Variants in NAALADL2 observed in about 807,000 individuals in gnomAD.
NAALADL2 encodes N-acetylated alpha-linked acidic dipeptidase like 2, also known as inactive N-acetylated-alpha-linked acidic dipeptidase-like protein 2.
NAALADL2 carries 76 observed loss-of-function variants against 87.2 expected under a neutral mutation model. That is an observed-to-expected ratio of 0.87 (90% CI 0.72 to 1.05). The LOEUF (loss-of-function observed/expected upper bound fraction) is 1.05. Ranked by LOEUF, NAALADL2 falls within the 50% of genes least tolerant of loss-of-function variation. The pLI is 0.00. For missense variants in NAALADL2, 1,089 were observed against 945.8 expected (o/e 1.15, Z -1.99); for synonymous variants, 354 against 331.0 (o/e 1.07, Z -0.75).
intron 13 of NAALADL2, among the ~76,000 whole-genome samples, chr3:175,795,670 G>A (rs6808416): frequency 0.037 from 5,591 of 149,094 alleles, 251 homozygotes; most frequent in African/African-American, 0.11. Context: ...GCAACATAGC[G>A]AGACTCTGTC....
rs2149170707 is a variant in NAALADL2 at position 175,433,553 on chromosome 3, A to G, written c.1091-13676A>G. Among the ~76,000 whole-genome samples, 3 of 152,182 alleles carry G rather than the reference A, an allele frequency of 2.0e-5. No homozygotes were observed. In the East Asian group the frequency reaches 5.8e-4, roughly 29 times the overall value. Reference sequence around the variant, plus strand: ...CATTAGCGCTATACTAAGCACAGCCATGTCTCTAACTGTGCCACTATGGCC... The same window carrying G: ...CATTAGCGCTATACTAAGCACAGCCGTGTCTCTAACTGTGCCACTATGGCC... On this transcript the variant is annotated intron_variant, in intron 5 of 13. Transcript: ENST00000454872.
chr3:175,030,890 C>G (rs1051413347), intron 1 of NAALADL2, among the ~76,000 whole-genome samples: 3 of 151,754 alleles, frequency 2.0e-5, no homozygotes, highest in African/African-American at 7.3e-5. Context: ...ACAGCCATGC[C>G]TGGTTTTATT....
intron 13 of NAALADL2, among the ~76,000 whole-genome samples, chr3:175,799,174 G>A (rs1753840899): frequency 6.6e-6 from 1 of 151,936 alleles, no homozygotes; most frequent in African/African-American, 2.4e-5. Context: ...CTGGAAATAT[G>A]TTTGCCATTT....
chr3:174,448,025 A>G (rs929160381), intron 1 of NAALADL2, among the ~76,000 whole-genome samples: 3 of 152,024 alleles, frequency 2.0e-5, no homozygotes, highest in African/African-American at 7.3e-5. Context: ...GTGTTTACCC[A>G]CACTGATCTT....
intron 3 of NAALADL2, among the ~76,000 whole-genome samples, chr3:174,742,130 A>G (rs1389178211): frequency 6.6e-6 from 1 of 151,682 alleles, no homozygotes; most frequent in South Asian, 2.1e-4. Context: ...CCTAGGTAAC[A>G]TACTAACATT....
chr3:175,008,720 A>ATGTTATAGGGTAAGG (rs1749378897), intron 1 of NAALADL2, among the ~76,000 whole-genome samples: 3 of 152,066 alleles, frequency 2.0e-5, no homozygotes, highest in African/African-American at 7.2e-5. Context: ...ATACCCTACA[A>ATGTTATAGGGTAAGG]CGTTATAGGG....
At chr3:175,559,833 T>A (rs2149512362) in intron 9 of NAALADL2, among the ~76,000 whole-genome samples, 1 of 152,354 alleles carries the variant, frequency 6.6e-6, no homozygotes, top group South Asian at 2.1e-4. Flanking sequence ...GAATGTTATT[T>A]GCTAGTGTTT....
At chr3:174,823,263 G>C (rs996423328) in intron 3 of NAALADL2, among the ~76,000 whole-genome samples, 1 of 151,568 alleles carries the variant, frequency 6.6e-6, no homozygotes, top group Non-Finnish European at 1.5e-5. Flanking sequence ...TGTAAAGACA[G>C]AACAAATACA....
chr3:174,621,963 A>G (rs1434190913), intron 2 of NAALADL2, among the ~76,000 whole-genome samples: 3 of 152,106 alleles, frequency 2.0e-5, no homozygotes, highest in Non-Finnish European at 4.4e-5. Flanking sequence ...CTAACAAAGG[A>G]CTCTCAAGAT....
intron 2 of NAALADL2, among the ~76,000 whole-genome samples, chr3:174,701,547 G>A (rs6771212): frequency 0.43 from 65,281 of 151,898 alleles, 14,186 homozygotes; most frequent in South Asian, 0.52. Context: ...TCATTACAAT[G>A]TAATGAGATA....
rs576959582 is a variant in NAALADL2, at chr3:174,752,157, A to G, written c.-9+14411A>G. Among the ~76,000 whole-genome samples the G allele has an allele frequency of 2.0e-3, 300 of 151,904 alleles. 2 individuals carry two copies. The highest frequency in any genetic ancestry group is 7.0e-3 in the African/African-American group (289 of 41,412). The stretch of plus-strand genomic sequence containing the variant: ...CATGCCCGGCTATTTTTGTATTTTC[A>G]GTAGAGACAGGGTTTCACCGTTTTA... On this transcript the variant is annotated intron_variant, in intron 3 of 3. Transcript: ENST00000434257.
At chr3:175,085,645 C>T (rs890169669) in intron 1 of NAALADL2, among the ~76,000 whole-genome samples, 1 of 152,086 alleles carries the variant, frequency 6.6e-6, no homozygotes, top group Non-Finnish European at 1.5e-5. Flanking sequence ...GATATTTTTG[C>T]CAGTCGCGGT....
At chr3:175,631,606 G>A (rs1424874225) in intron 11 of NAALADL2, among the ~76,000 whole-genome samples, 1 of 151,874 alleles carries the variant, frequency 6.6e-6, no homozygotes, top group Non-Finnish European at 1.5e-5. Context: ...ACAGTATAAA[G>A]TTGCTGAAGG....
At chr3:175,390,393 G>A (rs1375470336) in intron 5 of NAALADL2, among the ~76,000 whole-genome samples, 5 of 152,156 alleles carry the variant, frequency 3.3e-5, no homozygotes, top group Non-Finnish European at 2.9e-5. Context: ...CAAGCCAAAC[G>A]TTTAAATTTT....
intron 5 of NAALADL2, among the ~76,000 whole-genome samples, chr3:175,399,846 C>G (rs1770327953): frequency 1.3e-5 from 2 of 152,258 alleles, no homozygotes; most frequent in South Asian, 4.1e-4. Flanking sequence ...TCAAACACCT[C>G]TGACGTTTAT....
chr3:174,670,748 AT>A (rs1226629802), intron 2 of NAALADL2, among the ~76,000 whole-genome samples: 1 of 151,996 alleles, frequency 6.6e-6, no homozygotes, highest in African/African-American at 2.4e-5. Context: ...CTTTAAAGTC[AT>A]TTTGTCCCTT....
intron 2 of NAALADL2, among the ~76,000 whole-genome samples, chr3:174,641,839 C>A (rs776431699): frequency 1.3e-5 from 2 of 152,202 alleles, no homozygotes; most frequent in Non-Finnish European, 2.9e-5. Context: ...TCACTGCAGC[C>A]TCAACCTCCC....
chr3:175,718,766 T>C, intron 11 of NAALADL2: 2 of 899,774 alleles, frequency 2.2e-6, no homozygotes, highest in African/African-American at 1.7e-5. Flanking sequence ...TCTCTACAAA[T>C]GTATTTAAAA....
In NAALADL2 at chr3:174,604,044, C is replaced by T. The variant is rs150924709; in HGVS notation, c.-115+53407C>T. Among the ~76,000 whole-genome samples, 794 of 152,076 alleles carry T rather than the reference C, an allele frequency of 5.2e-3. 8 individuals carry two copies. The highest frequency in any genetic ancestry group is 0.018 in the African/African-American group (750 of 41,474). On this transcript the variant is annotated intron_variant, in intron 2 of 3. Transcript: ENST00000434257. ...AAAGAGTGTCTATCCTACAGCCATG[C>T]GATAAAATGTTCTATAAATATATAT...
Sources: allele counts gnomAD v4.1 joint callset (sites outside exome capture counted in the v4.1 genomes callset), GRCh38; gene constraint gnomAD v4.1.1; transcripts MANE v1.5; gene names NCBI Gene and HGNC (gene_info 2026-07-23, HGNC 2026-07-21).